SSH2: variants seen among roughly 807,000 people sequenced by gnomAD.
The protein encoded by SSH2 is slingshot protein phosphatase 2, also known as protein phosphatase Slingshot homolog 2.
Under a neutral mutation model 135.2 loss-of-function variants are expected in SSH2, and 37 were observed. The ratio of observed to expected loss-of-function variants is 0.27; its 90% CI spans 0.21 to 0.36. SSH2 has a LOEUF of 0.36. Ranked by LOEUF, SSH2 falls within the 10% of genes least tolerant of loss-of-function variation. The pLI, the probability that SSH2 is intolerant of heterozygous loss-of-function variation, is 1.00. For synonymous variants in SSH2, 628 were observed against 646.2 expected (o/e 0.97, Z 0.43); for missense variants, 1,408 against 1,765.3 (o/e 0.80, Z 3.63).
chr17:29,715,645 T>G (rs1477728814), intron 3 of SSH2, among the ~76,000 whole-genome samples: 1 of 152,238 alleles, frequency 6.6e-6, no homozygotes, highest in Non-Finnish European at 1.5e-5. Context: ...TTATTTGATG[T>G]GTTATTTATT....
chr17:29,873,557 T>TG (rs1219631821), intron 1 of SSH2, among the ~76,000 whole-genome samples: 2 of 140,664 alleles, frequency 1.4e-5, no homozygotes, highest in East Asian at 4.1e-4. Context: ...AGACTATGTT[T>TG]AAAAAAAAAA....
chr17:29,749,364 G>A (rs763461087), intron 3 of SSH2, among the ~76,000 whole-genome samples: 2 of 152,132 alleles, frequency 1.3e-5, no homozygotes, highest in Non-Finnish European at 2.9e-5. Flanking sequence ...CACAAACCTA[G>A]ATGGTACAGC....
At chr17:29,715,492 G>A (rs1424314574) in intron 3 of SSH2, among the ~76,000 whole-genome samples, 2 of 151,846 alleles carry the variant, frequency 1.3e-5, no homozygotes, top group Non-Finnish European at 2.9e-5. Flanking sequence ...TGATCCACCT[G>A]CCTCAGCCTC....
In SSH2 at chr17:29,666,447, C is replaced by T. The variant is rs571600308; in HGVS notation, c.1032+420G>A. Among the ~76,000 whole-genome samples the T allele has an allele frequency of 4.6e-5, 7 of 152,160 alleles. No individual in the cohort carries two copies. In the South Asian group the frequency reaches 1.5e-3, roughly 32 times the overall value. ...CTTATAATCCCAGCACTTTGAGAGG[C>T]CAAGGCGGGCAGATCACCTGAGGTC... On this transcript the variant is annotated intron_variant, in intron 11 of 15. Coordinates refer to ENST00000540801, the MANE Select transcript of SSH2 (RefSeq NM_001282129.2).
chr17:29,893,777 T>A (rs1284655497), intron 1 of SSH2, among the ~76,000 whole-genome samples: 1 of 152,184 alleles, frequency 6.6e-6, no homozygotes, highest in Non-Finnish European at 1.5e-5. Context: ...TACTGAGGTG[T>A]ATTGTGACTC....
At chr17:29,779,481 G>A (rs998242865) in intron 3 of SSH2, among the ~76,000 whole-genome samples, 2 of 152,142 alleles carry the variant, frequency 1.3e-5, no homozygotes, top group Non-Finnish European at 2.9e-5. Flanking sequence ...TCTCTATTCT[G>A]TACAGGAAAG....
intron 4 of SSH2, among the ~76,000 whole-genome samples, chr17:29,695,829 ATC>A (rs1298563622): frequency 6.6e-6 from 1 of 152,028 alleles, no homozygotes; most frequent in Non-Finnish European, 1.5e-5. Flanking sequence ...TGTTGGTGAG[ATC>A]TGTTAGGCAG....
intron 2 of SSH2, among the ~76,000 whole-genome samples, chr17:29,825,389 T>A (rs1322599677): frequency 1.3e-5 from 2 of 152,162 alleles, no homozygotes; most frequent in Non-Finnish European, 2.9e-5. Context: ...AGCAAAATAT[T>A]CCATAAAATT....
At chr17:29,830,833 C>T (rs1241883874) in intron 2 of SSH2, among the ~76,000 whole-genome samples, 1 of 152,098 alleles carries the variant, frequency 6.6e-6, no homozygotes, top group Non-Finnish European at 1.5e-5. Flanking sequence ...CTGCTCCAGT[C>T]TGAGCCAGTT....
intron 1 of SSH2, among the ~76,000 whole-genome samples, chr17:29,857,577 C>A (rs1394417949): frequency 1.3e-5 from 2 of 152,090 alleles, no homozygotes; most frequent in Non-Finnish European, 2.9e-5. Flanking sequence ...GAAGCCTGGA[C>A]CTCTCAGGCT....
At chr17:29,913,347 A>AAATTATATATATATAT in intron 1 of SSH2, among the ~76,000 whole-genome samples, 1 of 28,786 alleles carries the variant, frequency 3.5e-5, no homozygotes, top group African/African-American at 1.2e-4. Context: ...AAAAAAAAAA[A>AAATTATATATATATAT]ATATATATAT....
Position 29,751,604 on chromosome 17 carries a change from CAT to C in SSH2, c.188+42288_188+42289del, listed in dbSNP as rs565119841. ...GTTTGCACCAGCATCACCACAAACACATGAGTAATACATTATGCTACGACATT... is the reference window on the plus strand; with the variant it reads ...GTTTGCACCAGCATCACCACAAACACGAGTAATACATTATGCTACGACATT... On this transcript the variant is annotated intron_variant, in intron 3 of 15. Transcript: ENST00000540801. Among the ~76,000 whole-genome samples, 175 of 152,260 alleles carry C rather than the reference CAT, an allele frequency of 1.1e-3. 1 individual carries two copies. The highest frequency in any genetic ancestry group is 2.0e-3 in the Non-Finnish European group (134 of 68,030).
chr17:29,916,530 G>A (rs957698522), intron 1 of SSH2, among the ~76,000 whole-genome samples: 3 of 149,606 alleles, frequency 2.0e-5, no homozygotes, highest in African/African-American at 7.4e-5. Context: ...GCAGTGGCGT[G>A]ACTCACTGCA....
chr17:29,907,818 CTTTTT>C (rs201612892), intron 1 of SSH2, among the ~76,000 whole-genome samples: 2 of 132,000 alleles, frequency 1.5e-5, no homozygotes, highest in Admixed American at 7.8e-5. Context: ...CTGACAAAAC[CTTTTT>C]TTTTTTTTTT....
At chr17:29,736,968 G>A (rs1054092880) in intron 3 of SSH2, among the ~76,000 whole-genome samples, 20 of 144,764 alleles carry the variant, frequency 1.4e-4, no homozygotes, top group Non-Finnish European at 2.3e-4. Flanking sequence ...GCATGGGGGT[G>A]GGCGCCTGTA....
In SSH2 at chr17:29,638,244, T is replaced by C. The variant is rs550412754; in HGVS notation, c.1428-1442A>G. ...CATACAACTATATGCTGTGGAGCTG[T>C]TAAAAGCTGTCAGGTCTACAGAAAT... is the stretch of plus-strand genomic sequence containing the variant. On this transcript the variant is annotated intron_variant, in intron 14 of 15. Coordinates refer to ENST00000540801, the MANE Select transcript of SSH2 (RefSeq NM_001282129.2). Among the ~76,000 whole-genome samples the C allele has an allele frequency of 5.3e-5, 8 of 151,324 alleles. No individual in the cohort carries two copies. In the East Asian group the frequency reaches 1.6e-3, roughly 29 times the overall value.
At chr17:29,740,287 C>T (rs918553118) in intron 3 of SSH2, among the ~76,000 whole-genome samples, 1 of 152,224 alleles carries the variant, frequency 6.6e-6, no homozygotes, top group African/African-American at 2.4e-5. Flanking sequence ...CAAAGTGAAA[C>T]TTCACCCAAA....
intron 1 of SSH2, among the ~76,000 whole-genome samples, chr17:29,907,388 T>C (rs1236714944): frequency 6.6e-6 from 1 of 152,120 alleles, no homozygotes; most frequent in Non-Finnish European, 1.5e-5. Context: ...TCAGGAAGAA[T>C]AGCTAACGTA....
chr17:29,722,965 CT>C (rs2039871684), intron 3 of SSH2, among the ~76,000 whole-genome samples: 1 of 152,222 alleles, frequency 6.6e-6, no homozygotes, highest in South Asian at 2.1e-4. Flanking sequence ...GATTAAGTTC[CT>C]CATTTATGAG....
Sources: gnomAD v4.1 joint callset for allele counts (sites outside exome capture counted in the v4.1 genomes callset) on GRCh38, gnomAD v4.1.1 for gene constraint, MANE v1.5 for transcripts, NCBI Gene and HGNC (gene_info 2026-07-23, HGNC 2026-07-21) for gene names.